Variants in UBR4 observed in about 807,000 individuals in gnomAD.
UBR4 encodes ubiquitin protein ligase E3 component n-recognin 4, also known as E3 ubiquitin-protein ligase UBR4.
Under a neutral mutation model 575.6 loss-of-function variants are expected in UBR4, and 124 were observed. The ratio of observed to expected loss-of-function variants is 0.22; its 90% CI spans 0.19 to 0.25. The LOEUF is 0.25. Ranked by LOEUF, UBR4 falls within the 10% of genes least tolerant of loss-of-function variation. The pLI is 1.00. For synonymous variants in UBR4, 2,455 were observed against 2,473.7 expected (o/e 0.99, Z 0.22); for missense variants, 4,818 against 6,478.8 (o/e 0.74, Z 8.80).
rs3748757 is a variant in UBR4, at chr1:19,165,363, T to C, written c.4212-14A>G. The C allele has an allele frequency of 0.63, 1,007,321 of 1,598,548 alleles. 321,436 individuals are homozygous for C. The highest frequency in any genetic ancestry group is 0.83 in the East Asian group (37,069 of 44,792). On this transcript the variant is annotated splice_polypyrimidine_tract_variant and intron_variant, in intron 30 of 105. Coordinates refer to ENST00000375254, the MANE Select transcript of UBR4 (RefSeq NM_020765.3). ...ACAAGTTCTCCACTGGGAGGCAAGA[T>C]GGGAGAAAAATGGAAAGAATCACAT...
chr1:19,186,741 T>G (rs887964927), intron 13 of UBR4, 84 bp from the exon 14 acceptor site: 8 of 1,362,998 alleles, frequency 5.9e-6, no homozygotes, highest in Non-Finnish European at 8.2e-6. Context: ...ATCTCTTTTA[T>G]TTTTTCCTAA....
chr1:19,166,943 T>C (rs1368838716), intron 29 of UBR4, 79 bp downstream of exon 29: 1 of 1,481,564 alleles, frequency 6.7e-7, no homozygotes, highest in Non-Finnish European at 9.4e-7. Flanking sequence ...ATTAATGACC[T>C]AAAGGCAGCA....
At chr1:19,159,097 G>A (rs116720540) in intron 39 of UBR4, among the ~76,000 whole-genome samples, 4,695 of 152,250 alleles carry the variant, frequency 0.031, 102 homozygotes, top group Non-Finnish European at 0.048. Flanking sequence ...AGTAAGCTGA[G>A]ATCATGCCAC....
intron 62 of UBR4, among the ~76,000 whole-genome samples, 171 bp from the exon 63 acceptor site, chr1:19,127,910 C>T (rs1002180006): frequency 5.3e-5 from 8 of 152,108 alleles, no homozygotes; most frequent in South Asian, 2.1e-4. Context: ...TACCTAGAGC[C>T]CGATACACTT....
chr1:19,116,114 A>G (rs922768784), intron 73 of UBR4, among the ~76,000 whole-genome samples: 1 of 152,256 alleles, frequency 6.6e-6, no homozygotes, highest in Non-Finnish European at 1.5e-5. Context: ...GGGTGATTAT[A>G]TAACACAATG....
At chr1:19,124,756 A>C in intron 64 of UBR4, 66 bp from the exon 65 acceptor site, 1 of 1,574,540 alleles carries the variant, frequency 6.4e-7, no homozygotes, top group Non-Finnish European at 8.6e-7. Context: ...ATTAGGAAAA[A>C]GCCTGGCTCA....
In UBR4 at chr1:19,086,712, A is replaced by G. The variant is rs2077051141; in HGVS notation, c.14654T>C (p.Ile4885Thr). The G allele has an allele frequency of 4.3e-6, 7 of 1,614,202 alleles. No individual in the cohort carries two copies. The highest frequency in any genetic ancestry group is 5.9e-6 in the Non-Finnish European group (7 of 1,180,034). ...AGCCAGATGGCAGTCGTAGTGCACAATGTTGAAGTGGGACACGGTGCTGTA... is the reference window on the plus strand; with the variant it reads ...AGCCAGATGGCAGTCGTAGTGCACAGTGTTGAAGTGGGACACGGTGCTGTA... ...QGYSTVSHFN[I>T]VHYDCHLAAV... is the part of the protein sequence containing the mutation. The change falls in exon 100 of 106, where the codon ATT (isoleucine) becomes ACT (threonine). Residue 4885 changes from isoleucine to threonine, a missense_variant. Physicochemically the swap from Ile to Thr is moderately conservative, Grantham distance 89. Coordinates refer to ENST00000375254, the MANE Select transcript of UBR4 (RefSeq NM_020765.3).
In UBR4 at chr1:19,112,776, G is replaced by A; in HGVS notation, c.11549C>T (p.Thr3850Ile). 6.2e-7 allele frequency: 1 copy of A among 1,614,254 alleles called. No individual in the cohort carries two copies. Among genetic ancestry groups the A allele is most frequent in the Non-Finnish European group, 8.5e-7 (1 of 1,180,036 alleles). The change falls in exon 78 of 106, where the codon ACA becomes ATA. Residue 3850 changes from threonine (T) to isoleucine (I), a missense_variant. Around this residue, in one of 29 missense-constraint regions of UBR4, gnomAD observed 333 missense variants for 459.2 expected, o/e 0.73. Coordinates refer to ENST00000375254, the MANE Select transcript of UBR4 (RefSeq NM_020765.3). ...GGCACGGTACTGGCTGGCAGTGAAT[G>A]TGGGCTGCACGGAGGTCCGGGATGA... ...TKSSRTSVQP[T>I]FTASQYRALS... is the part of the protein sequence containing the mutation.
At chr1:19,163,972 T>C (rs954606183) in intron 33 of UBR4, 145 bp from the exon 34 acceptor site, 9 of 870,562 alleles carry the variant, frequency 1.0e-5, no homozygotes, top group Middle Eastern at 2.6e-4. Flanking sequence ...AAGTACTATA[T>C]AGTTACATAG....
At position 19,156,396 on chromosome 1, in the gene UBR4, A is replaced by G; in HGVS notation, c.5947T>C (p.Ser1983Pro). The G allele has an allele frequency of 6.2e-7, 1 of 1,614,200 alleles. No homozygotes were observed. The highest frequency in any genetic ancestry group is 8.5e-7 in the Non-Finnish European group (1 of 1,180,020). ...KDCHVLTFSSSGSVSDHLVLH... is the reference protein window; with the variant it reads ...KDCHVLTFSSPGSVSDHLVLH... ...ACCAAGTGATCCGAAACAGAGCCTG[A>G]GCTACTAAAGGTGAGCACATGACAG... The change falls in exon 42 of 106, where the codon TCA becomes CCA. Residue 1983 changes from serine (S) to proline (P), a missense_variant. By Grantham distance (74) the Ser-to-Pro change is moderately conservative (BLOSUM62 -1). Around this residue, in one of 29 missense-constraint regions of UBR4, gnomAD observed 461 missense variants for 606.9 expected, o/e 0.76. Transcript: ENST00000375254.
intron 44 of UBR4, 32 bp downstream of exon 44, chr1:19,154,886 G>A (rs1475181305): frequency 6.2e-7 from 1 of 1,613,364 alleles, no homozygotes; most frequent in Non-Finnish European, 8.5e-7. Flanking sequence ...TGTGGACATT[G>A]CGGAAGTTGA....
intron 83 of UBR4, 123 bp downstream of exon 83, chr1:19,106,446 A>G: frequency 2.3e-6 from 3 of 1,293,930 alleles, no homozygotes; most frequent in Admixed American, 3.0e-5. Flanking sequence ...TTTGAAAGGA[A>G]GCAAGAAGAG....
chr1:19,175,938 C>G (rs34219832), intron 20 of UBR4, among the ~76,000 whole-genome samples: 2 of 151,860 alleles, frequency 1.3e-5, no homozygotes, highest in South Asian at 4.1e-4. Context: ...GCACCACAGG[C>G]ACGTGCCACC....
intron 1 of UBR4, among the ~76,000 whole-genome samples, chr1:19,209,120 TAACA>T (rs919331881): frequency 1.6e-4 from 25 of 152,316 alleles, no homozygotes; most frequent in African/African-American, 6.0e-4. Flanking sequence ...CTCCTTTGAG[TAACA>T]AATAGCAATT....
chr1:19,122,385 G>A (rs376120767), intron 66 of UBR4, among the ~76,000 whole-genome samples: 2 of 152,168 alleles, frequency 1.3e-5, no homozygotes, highest in South Asian at 2.1e-4. Flanking sequence ...GATTAAAGAC[G>A]TTCTTTCTAG....
intron 105 of UBR4, 117 bp downstream of exon 105, chr1:19,076,623 A>C (rs2075967595): frequency 7.3e-7 from 1 of 1,373,530 alleles, no homozygotes; most frequent in Non-Finnish European, 1.0e-6. Context: ...GGCAGCTGAC[A>C]GGCTGGTTCA....
intron 74 of UBR4, among the ~76,000 whole-genome samples, 175 bp downstream of exon 74, chr1:19,115,217 ACACACT>A (rs1046107993): frequency 6.1e-5 from 9 of 147,140 alleles, no homozygotes; most frequent in South Asian, 2.1e-4. Context: ...ACACACACAC[ACACACT>A]CACTCACTCT....
Position 19,197,954 on chromosome 1 carries a change from T to C in UBR4, c.744A>G (p.Gln248=), listed in dbSNP as rs371322508. 6.1e-5 allele frequency: 98 copies of C among 1,614,076 alleles called. No homozygotes were observed. Among genetic ancestry groups the C allele is most frequent in the Non-Finnish European group, 8.0e-5 (94 of 1,180,034 alleles). ...AACAGTTGGGAGTCTTACCAAGCTC[T>C]TGAAGACTAGCCACGTTCTGAGCTA... is the stretch of plus-strand genomic sequence containing the variant. ...VFIAQNVASL[Q]ELGGSEKLLR... Residue 248 remains glutamine (Q), a synonymous_variant, in exon 6 of 106, where the codon CAA becomes CAG. Transcript: ENST00000375254.
rs758019618 is a variant in UBR4, at chr1:19,104,087, T to A, written c.12898A>T (p.Thr4300Ser). The A allele has an allele frequency of 1.2e-6, 2 of 1,614,164 alleles. No individual in the cohort carries two copies. Among genetic ancestry groups the A allele is most frequent in the Admixed American group, 3.3e-5 (2 of 60,026 alleles). Residue 4300 changes from threonine (T) to serine (S), a missense_variant, in exon 87 of 106, where the codon ACA becomes TCA. This residue lies in a region of UBR4 where 105 missense variants were observed against 232.8 expected (regional missense o/e 0.45). Coordinates refer to ENST00000375254, the MANE Select transcript of UBR4 (RefSeq NM_020765.3). ...CCAGGCCACTGGGCAGTGCTACCTG[T>A]GGTCATGTCCTCCAGCATCTCCAGC... is the stretch of plus-strand genomic sequence containing the variant. ...MLLEMLEDMT[T>S]GTESETKAFM...
Sources: allele counts gnomAD v4.1 joint callset (sites outside exome capture counted in the v4.1 genomes callset), GRCh38; gene constraint gnomAD v4.1.1; regional missense constraint gnomAD v4.1.1; transcripts MANE v1.5; gene names NCBI Gene and HGNC (gene_info 2026-07-23, HGNC 2026-07-21).